Variants in EBF3 observed in about 807,000 individuals in gnomAD.
EBF3 encodes transcription factor COE3.
EBF3 carries 18 observed loss-of-function variants against 77.1 expected under a neutral mutation model. The ratio of observed to expected loss-of-function variants is 0.23; its 90% CI spans 0.16 to 0.35. The LOEUF is 0.35. Among genes scored for constraint, EBF3 ranks in the 10% least tolerant of loss-of-function variants. EBF3 has a pLI of 1.00. For missense variants in EBF3, 558 were observed against 860.0 expected, an observed-to-expected ratio of 0.65 and a Z score of 4.39; for synonymous variants, 350 against 343.5, an observed-to-expected ratio of 1.02 and a Z score of -0.21.
At position 129,947,878 on chromosome 10, in the gene EBF3, A is replaced by T. The variant is rs1858346284; in HGVS notation, c.554+9380T>A. On this transcript the variant is annotated intron_variant, in intron 6 of 16. Transcript: ENST00000440978. The surrounding 1 kb of genome is among the most constrained non-coding windows in gnomAD (Gnocchi z 4.5). ...AGTAACCTTTAAGAAGAAAAAAAAAATTATATTCAAAGAGAGTATTATCGG... is the reference window on the plus strand; with the variant it reads ...AGTAACCTTTAAGAAGAAAAAAAAATTTATATTCAAAGAGAGTATTATCGG... Among the ~76,000 whole-genome samples, 1 of 152,126 alleles carries T rather than the reference A, an allele frequency of 6.6e-6. No individual in the cohort carries two copies. The highest frequency in any genetic ancestry group is 1.5e-5 in the Non-Finnish European group (1 of 68,034).
At chr10:129,918,628 G>A (rs1178172274) in intron 6 of EBF3, among the ~76,000 whole-genome samples, 1 of 152,160 alleles carries the variant, frequency 6.6e-6, no homozygotes, top group African/African-American at 2.4e-5. Context: ...CGATGATCAG[G>A]GCCCTGCCCT....
Position 129,848,350 on chromosome 10 carries a change from C to G in EBF3, c.1128+42G>C. ...CCCCAAACCAGAACCAGCCCAGTGG[C>G]GGCCCCACCATGAGCGGGGTGCCAC... On this transcript the variant is annotated intron_variant, in intron 11 of 16. Coordinates refer to ENST00000440978, the MANE Select transcript of EBF3 (RefSeq NM_001375380.1). This position sits in a 1 kb window ranked among gnomAD's most constrained non-coding sequence, Gnocchi z 4.4. The G allele has an allele frequency of 4.4e-6, 7 of 1,582,454 alleles. No homozygotes were observed. Among genetic ancestry groups the G allele is most frequent in the Non-Finnish European group, 6.1e-6 (7 of 1,151,658 alleles).
At chr10:129,888,184 T>C (rs1853748729) in intron 6 of EBF3, among the ~76,000 whole-genome samples, 1 of 152,348 alleles carries the variant, frequency 6.6e-6, no homozygotes, top group South Asian at 2.1e-4. Context: ...ATTTTCCATT[T>C]TCCTGTCGGG....
chr10:129,884,366 T>G (rs1853422939), intron 6 of EBF3, among the ~76,000 whole-genome samples: 1 of 152,182 alleles, frequency 6.6e-6, no homozygotes, highest in Non-Finnish European at 1.5e-5. Context: ...CGTATTGGAT[T>G]TCCAAAATGC....
At chr10:129,852,484 G>C (rs1231853990) in intron 10 of EBF3, among the ~76,000 whole-genome samples, 1 of 152,186 alleles carries the variant, frequency 6.6e-6, no homozygotes. Context: ...CGGCGGGCAG[G>C]AGGCACTGGG....
chr10:129,957,313 T>C lies in EBF3; in HGVS notation c.499A>G (p.Lys167Glu). 6.2e-7 allele frequency: 1 copy of C among 1,610,172 alleles called. No individual in the cohort carries two copies. ...TCGTTTCTATTGCCACAACTTTTCTTGTCACAGCACCGGCTGTGGAGCAAT... is the reference window on the plus strand; with the variant it reads ...TCGTTTCTATTGCCACAACTTTTCTCGTCACAGCACCGGCTGTGGAGCAAT... Reference protein sequence around the residue: ...HEIMCSRCCDKKSCGNRNETP... With the variant: ...HEIMCSRCCDEKSCGNRNETP... The change falls in exon 6 of 17, where the codon AAG becomes GAG. Residue 167 changes from lysine (K) to glutamate (E), a missense_variant. Transcript: ENST00000440978.
At chr10:129,900,900 G>A (rs1359555522) in intron 6 of EBF3, among the ~76,000 whole-genome samples, 1 of 152,218 alleles carries the variant, frequency 6.6e-6, no homozygotes, top group Admixed American at 6.5e-5. Flanking sequence ...CAAAGGTCTT[G>A]GGAGCCATTG....
intron 5 of EBF3, 146 bp from the exon 6 acceptor site, chr10:129,957,472 C>T (rs1859130569): frequency 3.1e-6 from 2 of 642,610 alleles, no homozygotes; most frequent in Non-Finnish European, 5.3e-6. Flanking sequence ...CCAGTGAGTT[C>T]ACGTGTTCTG....
intron 6 of EBF3, among the ~76,000 whole-genome samples, chr10:129,922,582 G>A (rs1002465181): frequency 2.7e-4 from 41 of 152,364 alleles, no homozygotes; most frequent in African/African-American, 8.9e-4. Context: ...ACAGAAAGGC[G>A]TGCACCACAC....
chr10:129,841,148 C>T lies in EBF3; in HGVS notation c.1373-116G>A, dbSNP rs1850024627. 1.2e-5 allele frequency: 16 copies of T among 1,370,604 alleles called. No individual in the cohort carries two copies. The East Asian group carries it at 4.0e-4, about 34-fold the overall frequency. The allele number at this position is 1,370,604 out of a possible 1,614,324, so 84.9% of individuals were successfully genotyped here. ...ACATTGCTAATTGACCCTGTGCTTT[C>T]CACCTGCTCTAGCGCCTGCTGCCAG... On this transcript the variant is annotated intron_variant, in intron 13 of 16. Coordinates refer to ENST00000440978, the MANE Select transcript of EBF3 (RefSeq NM_001375380.1). This position sits in a 1 kb window ranked among gnomAD's most constrained non-coding sequence, Gnocchi z 4.6.
At chr10:129,956,314 C>A (rs1377053706) in intron 6 of EBF3, among the ~76,000 whole-genome samples, 1 of 152,226 alleles carries the variant, frequency 6.6e-6, no homozygotes, top group Non-Finnish European at 1.5e-5. Context: ...ACCGTCTAAA[C>A]CTCTGCTTCG....
Position 129,841,333 on chromosome 10 carries a change from G to A in EBF3, c.1373-301C>T, listed in dbSNP as rs191131714. Among the ~76,000 whole-genome samples the A allele has an allele frequency of 2.6e-3, 399 of 152,216 alleles. 3 individuals carry two copies. The highest frequency in any genetic ancestry group is 9.3e-3 in the African/African-American group (386 of 41,518). On this transcript the variant is annotated intron_variant, in intron 13 of 16. Coordinates refer to ENST00000440978, the MANE Select transcript of EBF3 (RefSeq NM_001375380.1). The surrounding 1 kb of genome is among the most constrained non-coding windows in gnomAD (Gnocchi z 4.6). The stretch of plus-strand genomic sequence containing the variant: ...GCAATTATCAACAGCTTGGATTCCT[G>A]GTCTGTCCCCCCACGCTCTGTGAAC...
intron 6 of EBF3, among the ~76,000 whole-genome samples, chr10:129,939,859 A>C (rs1224877495): frequency 6.6e-6 from 1 of 152,222 alleles, no homozygotes; most frequent in African/African-American, 2.4e-5. Flanking sequence ...TAGGAGCAAA[A>C]TCTTTCTAGA....
chr10:129,950,058 C>A (rs2134562829), intron 6 of EBF3, among the ~76,000 whole-genome samples: 1 of 146,394 alleles, frequency 6.8e-6, no homozygotes, highest in South Asian at 2.2e-4. Context: ...GAGGCAGGGG[C>A]GGCGGCTGGA....
At chr10:129,877,031 C>T (rs1325662093) in intron 7 of EBF3, among the ~76,000 whole-genome samples, 1 of 151,916 alleles carries the variant, frequency 6.6e-6, no homozygotes, top group Non-Finnish European at 1.5e-5. Flanking sequence ...CAGTAAACCT[C>T]GGGGGAAGGA....
intron 6 of EBF3, among the ~76,000 whole-genome samples, chr10:129,939,252 C>T (rs1857563443): frequency 6.6e-6 from 1 of 152,172 alleles, no homozygotes; most frequent in African/African-American, 2.4e-5. Flanking sequence ...CCTGGCCCTC[C>T]TTCCTGCCCT....
chr10:129,844,419 T>C (rs916343937), intron 11 of EBF3, among the ~76,000 whole-genome samples: 1 of 152,168 alleles, frequency 6.6e-6, no homozygotes, highest in African/African-American at 2.4e-5. Context: ...CAGATTCACA[T>C]AAGCAGATTT....
chr10:129,847,647 T>C (rs1850565556), intron 11 of EBF3, among the ~76,000 whole-genome samples: 2 of 152,250 alleles, frequency 1.3e-5, no homozygotes, highest in South Asian at 2.1e-4. Context: ...CATAATGTTA[T>C]GACTTCATTT....
rs1853793042 is a variant in EBF3 at position 129,888,685 on chromosome 10, T to TTTATGAAAACAAGGCTA, written c.555-10853_555-10837dup. Among the ~76,000 whole-genome samples, 5 of 152,314 alleles carry TTTATGAAAACAAGGCTA rather than the reference T, an allele frequency of 3.3e-5. No homozygotes were observed. In the South Asian group the frequency reaches 1.0e-3, roughly 32 times the overall value. On this transcript the variant is annotated intron_variant, in intron 6 of 16. Transcript: ENST00000440978. ...CTTTAAATCCAGCTCCAATGCATTG[T>TTTATGAAAACAAGGCTA]TTATGAAAACAAGGCTATTAGGTAT...
Sources: gnomAD v4.1 joint callset for allele counts (sites outside exome capture counted in the v4.1 genomes callset) on GRCh38, gnomAD v4.1.1 for gene constraint, Gnocchi (gnomAD v3.1) non-coding constraint, MANE v1.5 for transcripts, NCBI Gene and HGNC (gene_info 2026-07-23, HGNC 2026-07-21) for gene names.